The following TOM1 variants were observed in gnomAD, a reference collection of about 807,000 sequenced individuals.
The protein encoded by TOM1 is target of Myb protein 1.
In TOM1, 38 loss-of-function variants were observed where a neutral mutation model predicts 61.3. The ratio of observed to expected loss-of-function variants is 0.62; its 90% confidence interval spans 0.48 to 0.81. The LOEUF (loss-of-function observed/expected upper bound fraction) is 0.81. Ranked by LOEUF, TOM1 falls within the 40% of genes least tolerant of loss-of-function variation. The pLI is 0.00. For missense variants in TOM1, 591 were observed against 659.6 expected (o/e 0.90, Z 1.14); for synonymous variants, 270 against 268.8 (o/e 1.00, Z -0.04).
chr22:35,301,068 A>T (rs1294801119), intron 1 of TOM1, among the ~76,000 whole-genome samples: 3 of 149,652 alleles, frequency 2.0e-5, no homozygotes, highest in African/African-American at 4.9e-5. Context: ...AAAAAAAAAA[A>T]ATACAGAAAT....
At chr22:35,312,936 G>C (rs900709370) in intron 1 of TOM1, among the ~76,000 whole-genome samples, 1 of 152,184 alleles carries the variant, frequency 6.6e-6, no homozygotes, top group Non-Finnish European at 1.5e-5. Context: ...GTGCAGGCCT[G>C]GGGAGGTGGC....
chr22:35,300,719 G>C (rs1925677956), intron 1 of TOM1, among the ~76,000 whole-genome samples: 1 of 152,198 alleles, frequency 6.6e-6, no homozygotes, highest in Non-Finnish European at 1.5e-5. Context: ...GTGGTTCTCT[G>C]CACCCTGGTG....
rs373113007 is a variant in TOM1, at chr22:35,317,906, G to C, written c.82G>C (p.Glu28Gln). 8.7e-6 allele frequency: 14 copies of C among 1,614,134 alleles called. No homozygotes were observed. The highest frequency in any genetic ancestry group is 1.2e-5 in the Non-Finnish European group (14 of 1,179,996). Residue 28 changes from glutamate to glutamine, a missense_variant, in exon 2 of 15, where the codon GAG (glutamate) becomes CAG (glutamine). Coordinates refer to ENST00000449058, the MANE Select transcript of TOM1 (RefSeq NM_005488.3). ...EKATDGSLQS[E>Q]DWALNMEICD... ...AGCCACAGATGGCTCCCTGCAGAGC[G>C]AGGACTGGGCCCTCAACATGGAGAT...
rs576700472 is a variant in TOM1, at chr22:35,319,656, G to T, written c.137+1695G>T. 5.3e-4 allele frequency among the ~76,000 whole-genome samples: 80 copies of T among 152,290 alleles called. 2 individuals are homozygous for T. The South Asian group carries it at 0.012, about 24-fold the overall frequency. The stretch of plus-strand genomic sequence containing the variant: ...GCGGAACATGCCAGGGAATGATTCT[G>T]ATTCCCTTGTGTCTAGGCCACCCTA... On this transcript the variant is annotated intron_variant, in intron 2 of 14. Transcript: ENST00000449058.
intron 1 of TOM1, among the ~76,000 whole-genome samples, chr22:35,300,684 G>T (rs1176028044): frequency 2.6e-5 from 4 of 152,192 alleles, no homozygotes; most frequent in African/African-American, 9.7e-5. Context: ...CAAGCCCAGG[G>T]CACCTGGCGC....
intron 12 of TOM1, among the ~76,000 whole-genome samples, chr22:35,342,973 TAC>T (rs1569040554): frequency 1.6e-5 from 1 of 61,558 alleles, no homozygotes; most frequent in African/African-American, 6.5e-5. Flanking sequence ...ACACCACACC[TAC>T]ACACTCATAC....
chr22:35,319,479 C>T (rs1476931729), intron 2 of TOM1, among the ~76,000 whole-genome samples: 2 of 152,186 alleles, frequency 1.3e-5, no homozygotes, highest in Non-Finnish European at 2.9e-5. Flanking sequence ...AGCAGAGTAC[C>T]GGACATCATG....
At chr22:35,343,630 CCTA>C (rs994298340) in intron 12 of TOM1, among the ~76,000 whole-genome samples, 1 of 141,786 alleles carries the variant, frequency 7.1e-6, no homozygotes, top group African/African-American at 2.7e-5. Context: ...TACACCCACA[CCTA>C]CACACACCAC....
In TOM1 at chr22:35,323,477, T is replaced by C. The variant is rs1015249611; in HGVS notation, c.367-19T>C. On this transcript the variant is annotated intron_variant, in intron 4 of 14. Coordinates refer to ENST00000449058, the MANE Select transcript of TOM1 (RefSeq NM_005488.3). The surrounding 1 kb of genome is among the most constrained non-coding windows in gnomAD (Gnocchi z 4.2). ...AGGTGAGCTGTGGTTACCGGCTGTG[T>C]CCCCTTGTCCCCTCTCAGTCCTGGG... is the stretch of plus-strand genomic sequence containing the variant. 26 of 1,612,888 alleles carry C rather than the reference T, an allele frequency of 1.6e-5. No individual in the cohort carries two copies. The highest frequency in any genetic ancestry group is 2.0e-5 in the Non-Finnish European group (24 of 1,179,446).
chr22:35,317,785 C>G (rs1927427012), intron 1 of TOM1, 92 bp from the exon 2 acceptor site: 9 of 898,602 alleles, frequency 1.0e-5, no homozygotes, highest in Non-Finnish European at 1.5e-5. Context: ...CCCATCTCAT[C>G]CGGCCCTGCA....
chr22:35,315,888 G>C (rs5999790), intron 1 of TOM1, among the ~76,000 whole-genome samples: 1 of 152,172 alleles, frequency 6.6e-6, no homozygotes, highest in East Asian at 1.9e-4. Context: ...TGCCCACCGA[G>C]TCCACCATGG....
At chr22:35,306,183 C>G (rs538845751) in intron 1 of TOM1, among the ~76,000 whole-genome samples, 4 of 152,060 alleles carry the variant, frequency 2.6e-5, no homozygotes, top group Admixed American at 6.5e-5. Flanking sequence ...TAAAGACCAT[C>G]TGTAGCTCGA....
Position 35,327,254 on chromosome 22 carries a change from T to A in TOM1, c.649-17T>A. On this transcript the variant is annotated splice_polypyrimidine_tract_variant and intron_variant, in intron 6 of 14. Coordinates refer to ENST00000449058, the MANE Select transcript of TOM1 (RefSeq NM_005488.3). ...AGAACCCTGGCTTCTCTCACCACGA[T>A]CAACTGTGTGTTTCAGATTGGGAAG... 6.2e-7 allele frequency: 1 copy of A among 1,611,340 alleles called. No individual in the cohort carries two copies. The highest frequency in any genetic ancestry group is 8.5e-7 in the Non-Finnish European group (1 of 1,177,724).
chr22:35,300,505 C>T (rs751196335), intron 1 of TOM1, among the ~76,000 whole-genome samples: 1 of 152,210 alleles, frequency 6.6e-6, no homozygotes, highest in East Asian at 1.9e-4. Flanking sequence ...GCGGCCAGGC[C>T]TCACAGACCC....
chr22:35,333,692 T>A (rs540735002), intron 10 of TOM1, among the ~76,000 whole-genome samples, 195 bp downstream of exon 10: 1 of 152,288 alleles, frequency 6.6e-6, no homozygotes, highest in East Asian at 1.9e-4. Context: ...CCACAAGTCC[T>A]GAGCCGCCTT....
chr22:35,330,300 C>T (rs1928720354), intron 7 of TOM1, 47 bp from the exon 8 acceptor site: 1 of 1,560,394 alleles, frequency 6.4e-7, no homozygotes, highest in East Asian at 2.3e-5. Flanking sequence ...GAGACGGCCT[C>T]ACTCTGAGTC....
intron 12 of TOM1, among the ~76,000 whole-genome samples, chr22:35,343,977 A>G (rs1930269802): frequency 6.8e-6 from 1 of 147,780 alleles, no homozygotes; most frequent in African/African-American, 2.5e-5. Flanking sequence ...TACACAACCT[A>G]CACCTACACA....
At chr22:35,320,917 G>T (rs1476015091) in intron 2 of TOM1, among the ~76,000 whole-genome samples, 1 of 150,174 alleles carries the variant, frequency 6.7e-6, no homozygotes, top group African/African-American at 2.4e-5. Context: ...AGGAGTTCCG[G>T]GCTACAGCGA....
chr22:35,346,994 C>T (rs1930563406), intron 14 of TOM1, 25 bp downstream of exon 14: 1 of 1,607,298 alleles, frequency 6.2e-7, no homozygotes, highest in Non-Finnish European at 8.5e-7. Flanking sequence ...CCCTGCCCGC[C>T]CTCTCCTTTC....
Sources: gnomAD v4.1 joint callset for allele counts (sites outside exome capture counted in the v4.1 genomes callset) on GRCh38, gnomAD v4.1.1 for gene constraint, Gnocchi (gnomAD v3.1) non-coding constraint, MANE v1.5 for transcripts, NCBI Gene and HGNC (gene_info 2026-07-23, HGNC 2026-07-21) for gene names.